NUPR1: variants seen among roughly 807,000 people sequenced by gnomAD.
The protein encoded by NUPR1 is nuclear protein 1.
Under a neutral mutation model 7.3 loss-of-function variants are expected in NUPR1, and 8 were observed. The ratio of observed to expected loss-of-function variants is 1.09; its 90% confidence interval spans 0.64 to 1.97. The LOEUF (loss-of-function observed/expected upper bound fraction) is 1.97. Ranked by LOEUF, NUPR1 falls within the 30% of genes most tolerant of loss-of-function variation. The pLI is 0.00. For missense variants in NUPR1, 96 were observed against 111.7 expected (o/e 0.86, Z 0.63); for synonymous variants, 39 against 44.5 (o/e 0.88, Z 0.49).
Position 28,538,082 on chromosome 16 carries a change from G to A in NUPR1, c.186C>T (p.His62=), listed in dbSNP as rs985021456. The A allele has an allele frequency of 4.0e-5, 65 of 1,614,086 alleles. No individual in the cohort carries two copies. Among genetic ancestry groups the A allele is most frequent in the East Asian group, 3.1e-4 (14 of 44,874 alleles). The part of the protein sequence containing the change: ...ANTNRPSPGG[H]ERKLVTKLQN... Reference sequence around the variant, plus strand: ...GCAGCTTGGTCACCAGTTTCCTCTCGTGCCCGCCAGGGCTGGGGCGGTTGG... The same window carrying A: ...GCAGCTTGGTCACCAGTTTCCTCTCATGCCCGCCAGGGCTGGGGCGGTTGG... The change falls in exon 2 of 3, where the codon CAC becomes CAT. Residue 62 remains histidine (H), a synonymous_variant. Transcript: ENST00000324873.
chr16:28,535,652 CCTTT>C lies in NUPR1; in HGVS notation c.*2027_*2030del, dbSNP rs2046617094. 3 of 142,410 alleles carry C rather than the reference CCTTT, an allele frequency of 2.1e-5. No individual in the cohort carries two copies. In the Admixed American group the frequency reaches 2.2e-4, roughly 10 times the overall value. The allele number at this position is 142,410 out of a possible 1,614,324, so 8.8% of individuals were successfully genotyped here. ...TTCTCTCTCTTTCTTCTTTTTCTCT[CCTTT>C]CTCTCTTTCTTTTCTTTCTTCCTTC... On this transcript the variant is annotated 3_prime_UTR_variant, in exon 3 of 3. Transcript: ENST00000324873.
rs1007169336 is a variant in NUPR1 at position 28,533,217 on chromosome 16, G to C, written c.*4466C>G. 1 of 152,190 alleles carries C rather than the reference G, an allele frequency of 6.6e-6. No individual in the cohort carries two copies. Among genetic ancestry groups the C allele is most frequent in the Admixed American group, 6.6e-5 (1 of 15,248 alleles). 9.4% of individuals were successfully genotyped at this position (152,190 alleles called of 1,614,324 possible). A position where few individuals can be genotyped will look rare whatever the true frequency, so the allele number is the denominator to read the frequency against. On this transcript the variant is annotated 3_prime_UTR_variant, in exon 3 of 3. Coordinates refer to ENST00000324873, the MANE Select transcript of NUPR1 (RefSeq NM_012385.3). ...AGAAGGCATCCAATAAGCATTGATT[G>C]AGTTAATATGTAACTTGTATGGAAA...
rs1406601108 is a variant in NUPR1, at chr16:28,535,544, C to CTTTCTCTTTCT, written c.*2138_*2139insAGAAAGAGAAA. The CTTTCTCTTTCT allele has an allele frequency of 1.7e-5, 1 of 58,122 alleles. No homozygotes were observed. Among genetic ancestry groups the CTTTCTCTTTCT allele is most frequent in the African/African-American group, 6.0e-5 (1 of 16,694 alleles). The allele number at this position is 58,122 out of a possible 1,614,324, so 3.6% of individuals were successfully genotyped here. ...CTTTCTTTCTTTCTTTCTTTCTTTC[C>CTTTCTCTTTCT]TTCTTTCTTTCTTTCTTTCCTTCCT... On this transcript the variant is annotated 3_prime_UTR_variant, in exon 3 of 3. Coordinates refer to ENST00000324873, the MANE Select transcript of NUPR1 (RefSeq NM_012385.3).
chr16:28,535,556 T>TTCCTTCC lies in NUPR1; in HGVS notation c.*2126_*2127insGGAAGGA, dbSNP rs1567277392. The TTCCTTCC allele has an allele frequency of 1.8e-4, 6 of 32,756 alleles. No individual in the cohort carries two copies. The highest frequency in any genetic ancestry group is 4.4e-4 in the Admixed American group (1 of 2,284). The allele number at this position is 32,756 out of a possible 1,614,324, so 2.0% of individuals were successfully genotyped here. On this transcript the variant is annotated 3_prime_UTR_variant, in exon 3 of 3. Transcript: ENST00000324873. Reference sequence around the variant, plus strand: ...CTTTCTTTCTTTCCTTCTTTCTTTCTTTCTTTCCTTCCTTCCTTTCTTTCT... The same window carrying TTCCTTCC: ...CTTTCTTTCTTTCCTTCTTTCTTTCTTCCTTCCTTCTTTCCTTCCTTCCTTTCTTTCT...
rs540316218 is a variant in NUPR1 at position 28,535,209 on chromosome 16, C to G, written c.*2474G>C. 1 of 152,344 alleles carries G rather than the reference C, an allele frequency of 6.6e-6. No homozygotes were observed. The highest frequency in any genetic ancestry group is 1.9e-4 in the East Asian group (1 of 5,196). The allele number at this position is 152,344 out of a possible 1,614,324, so 9.4% of individuals were successfully genotyped here. A position where few individuals can be genotyped will look rare whatever the true frequency, so the allele number is the denominator to read the frequency against. On this transcript the variant is annotated 3_prime_UTR_variant, in exon 3 of 3. Transcript: ENST00000324873. The stretch of plus-strand genomic sequence containing the variant: ...ACAATAAGATCCCTGAATATGAGCC[C>G]TGAGTGAGCTAGGGCAAATCCCTTA...
At position 28,535,612 on chromosome 16, in the gene NUPR1, C is replaced by CTTTCT. The variant is rs1364627794; in HGVS notation, c.*2066_*2070dup. 9.7e-5 allele frequency: 1 copy of CTTTCT among 10,356 alleles called. No homozygotes were observed. The highest frequency in any genetic ancestry group is 1.5e-4 in the African/African-American group (1 of 6,504). The allele number at this position is 10,356 out of a possible 1,614,324, so 0.6% of individuals were successfully genotyped here. Reference sequence around the variant, plus strand: ...TCTTTCTTTCTTTCTTTCTTTCTTTCTTTCTTTCTTCTCTTTCTCTCTCTT... The same window carrying CTTTCT: ...TCTTTCTTTCTTTCTTTCTTTCTTTCTTTCTTTTCTTTCTTCTCTTTCTCTCTCTT... On this transcript the variant is annotated 3_prime_UTR_variant, in exon 3 of 3. Transcript: ENST00000324873.
intron 2 of NUPR1, 66 bp downstream of exon 2, chr16:28,537,940 A>G: frequency 1.5e-6 from 2 of 1,346,422 alleles, no homozygotes; most frequent in Non-Finnish European, 2.0e-6. Context: ...CCAATCACAC[A>G]CCTTCCGGCC....
rs2046594634 is a variant in NUPR1 at position 28,533,711 on chromosome 16, T to A, written c.*3972A>T. The A allele has an allele frequency of 6.6e-6, 1 of 152,318 alleles. No individual in the cohort carries two copies. Among genetic ancestry groups the A allele is most frequent in the African/African-American group, 2.4e-5 (1 of 41,416 alleles). The allele number at this position is 152,318 out of a possible 1,614,324, so 9.4% of individuals were successfully genotyped here. ...AAGGAAACATCTAAGCTGAGCCTCA[T>A]GAGATGGGGTCGGGGGAGGAATTAA... On this transcript the variant is annotated 3_prime_UTR_variant, in exon 3 of 3. Coordinates refer to ENST00000324873, the MANE Select transcript of NUPR1 (RefSeq NM_012385.3).
rs746681293 is a variant in NUPR1, at chr16:28,535,594, T to TTC, written c.*2087_*2088dup. On this transcript the variant is annotated 3_prime_UTR_variant, in exon 3 of 3. Coordinates refer to ENST00000324873, the MANE Select transcript of NUPR1 (RefSeq NM_012385.3). ...TTCCTTTCTTTCTTTCTTTCTTTCT[T>TTC]TCTTTCTTTCTTTCTTTCTTTCTTT... The TTC allele has an allele frequency of 2.1e-5, 1 of 47,164 alleles. No individual in the cohort carries two copies. The highest frequency in any genetic ancestry group is 1.5e-4 in the African/African-American group (1 of 6,674). 2.9% of individuals were successfully genotyped at this position (47,164 alleles called of 1,614,324 possible).
intron 1 of NUPR1, 29 bp downstream of exon 1, chr16:28,538,767 G>T: frequency 6.5e-7 from 1 of 1,535,392 alleles, no homozygotes; most frequent in South Asian, 1.1e-5. Context: ...GAGGAGGAAG[G>T]ACCGTGGAGA....
Position 28,534,065 on chromosome 16 carries a change from G to C in NUPR1, c.*3618C>G, listed in dbSNP as rs749609412. On this transcript the variant is annotated 3_prime_UTR_variant, in exon 3 of 3. Transcript: ENST00000324873. ...TGAAAATCGCTTGAACCCAGGAAGC[G>C]GAGGTTGCAGTGGGTCGAGATCACA... 6.6e-6 allele frequency: 1 copy of C among 152,110 alleles called. No individual in the cohort carries two copies. The highest frequency in any genetic ancestry group is 1.5e-5 in the Non-Finnish European group (1 of 68,084). The allele number at this position is 152,110 out of a possible 1,614,324, so 9.4% of individuals were successfully genotyped here. A position where few individuals can be genotyped will look rare whatever the true frequency, so the allele number is the denominator to read the frequency against.
chr16:28,537,906 A>C (rs1286190754), intron 2 of NUPR1, 100 bp downstream of exon 2: 1 of 929,242 alleles, frequency 1.1e-6, no homozygotes, highest in Non-Finnish European at 1.6e-6. Flanking sequence ...TCAAGACAAC[A>C]GTTGCCTGAT....
rs758457695 is a variant in NUPR1 at position 28,538,880 on chromosome 16, C to T, written c.28G>A (p.Ala10Thr). 15 of 1,612,978 alleles carry T rather than the reference C, an allele frequency of 9.3e-6. No individual in the cohort carries two copies. The highest frequency in any genetic ancestry group is 1.7e-4 in the Middle Eastern group (1 of 6,004). Residue 10 changes from alanine (A) to threonine (T), a missense_variant, in exon 1 of 3, where the codon GCC (alanine) becomes ACC (threonine). Physicochemically the swap from Ala to Thr is moderately conservative, Grantham distance 58 (BLOSUM62 0). Coordinates refer to ENST00000324873, the MANE Select transcript of NUPR1 (RefSeq NM_012385.3). ...TCCGGGCCTGGGGGCTGCTGGGGGGCGCTGGTTGCTGGTGGGAAGGTGGCC... is the reference window on the plus strand; with the variant it reads ...TCCGGGCCTGGGGGCTGCTGGGGGGTGCTGGTTGCTGGTGGGAAGGTGGCC... MATFPPATS[A>T]PQQPPGPEDE... is the part of the protein sequence containing the mutation.
chr16:28,535,576 C>CTTTCT lies in NUPR1; in HGVS notation c.*2102_*2106dup, dbSNP rs1555472559. ...CTTTCTTTCTTTCCTTCCTTCCTTT[C>CTTTCT]TTTCTTTCTTTCTTTCTTTCTTTCT... On this transcript the variant is annotated 3_prime_UTR_variant, in exon 3 of 3. Coordinates refer to ENST00000324873, the MANE Select transcript of NUPR1 (RefSeq NM_012385.3). 5.1e-5 allele frequency: 2 copies of CTTTCT among 39,346 alleles called. No homozygotes were observed. The highest frequency in any genetic ancestry group is 3.1e-4 in the Admixed American group (1 of 3,274). The allele number at this position is 39,346 out of a possible 1,614,324, so 2.4% of individuals were successfully genotyped here.
At position 28,535,544 on chromosome 16, in the gene NUPR1, C is replaced by CCTTCT. The variant is rs2046607042; in HGVS notation, c.*2138_*2139insAGAAG. 8 of 58,114 alleles carry CCTTCT rather than the reference C, an allele frequency of 1.4e-4. No homozygotes were observed. The highest frequency in any genetic ancestry group is 1.8e-4 in the Non-Finnish European group (5 of 27,758). 3.6% of individuals were successfully genotyped at this position (58,114 alleles called of 1,614,324 possible). On this transcript the variant is annotated 3_prime_UTR_variant, in exon 3 of 3. Transcript: ENST00000324873. The stretch of plus-strand genomic sequence containing the variant: ...CTTTCTTTCTTTCTTTCTTTCTTTC[C>CCTTCT]TTCTTTCTTTCTTTCTTTCCTTCCT...
rs2046595260 is a variant in NUPR1, at chr16:28,533,865, GC to G, written c.*3817del. On this transcript the variant is annotated 3_prime_UTR_variant, in exon 3 of 3. Transcript: ENST00000324873. Reference sequence around the variant, plus strand: ...TAGGCAACCTTTGCCGGGTGGTGTGGCTCAAGCCTGTAATCCCAACACTTTG... The same window carrying G: ...TAGGCAACCTTTGCCGGGTGGTGTGGTCAAGCCTGTAATCCCAACACTTTG... 1.3e-5 allele frequency: 2 copies of G among 152,328 alleles called. No homozygotes were observed. Among genetic ancestry groups the G allele is most frequent in the Admixed American group, 1.3e-4 (2 of 15,264 alleles). The allele number at this position is 152,328 out of a possible 1,614,324, so 9.4% of individuals were successfully genotyped here.
rs1233737010 is a variant in NUPR1, at chr16:28,534,861, T to C, written c.*2822A>G. The C allele has an allele frequency of 6.6e-6, 1 of 152,118 alleles. No individual in the cohort carries two copies. The highest frequency in any genetic ancestry group is 6.6e-5 in the Admixed American group (1 of 15,262). The allele number at this position is 152,118 out of a possible 1,614,324, so 9.4% of individuals were successfully genotyped here. On this transcript the variant is annotated 3_prime_UTR_variant, in exon 3 of 3. Coordinates refer to ENST00000324873, the MANE Select transcript of NUPR1 (RefSeq NM_012385.3). ...ATTTTGGGCCTCAAAGTGGAAGCCA[T>C]GTTTTGGGTGTGGCAGAACAGTGAG...
rs1555472558 is a variant in NUPR1 at position 28,535,575 on chromosome 16, T to TCTTTCTTTC, written c.*2099_*2107dup. 233 of 41,218 alleles carry TCTTTCTTTC rather than the reference T, an allele frequency of 5.7e-3. 2 individuals are homozygous for TCTTTCTTTC. Among genetic ancestry groups the TCTTTCTTTC allele is most frequent in the East Asian group, 0.032 (20 of 622 alleles). The allele number at this position is 41,218 out of a possible 1,614,324, so 2.6% of individuals were successfully genotyped here. A position where few individuals can be genotyped will look rare whatever the true frequency, so the allele number is the denominator to read the frequency against. ...TCTTTCTTTCTTTCCTTCCTTCCTT[T>TCTTTCTTTC]CTTTCTTTCTTTCTTTCTTTCTTTC... is the stretch of plus-strand genomic sequence containing the variant. On this transcript the variant is annotated 3_prime_UTR_variant, in exon 3 of 3. Coordinates refer to ENST00000324873, the MANE Select transcript of NUPR1 (RefSeq NM_012385.3).
At chr16:28,538,726 G>A in intron 1 of NUPR1, 70 bp downstream of exon 1, 1 of 1,166,752 alleles carries the variant, frequency 8.6e-7, no homozygotes, top group South Asian at 1.2e-5. Flanking sequence ...GAAATGAGAG[G>A]AAACAAGAGG....
Sources: allele counts gnomAD v4.1 joint callset, GRCh38; gene constraint gnomAD v4.1.1; transcripts MANE v1.5; gene names NCBI Gene and HGNC (gene_info 2026-07-23, HGNC 2026-07-21).